STK33: variants seen among roughly 807,000 people sequenced by gnomAD.
STK33 encodes the protein serine/threonine kinase 33.
STK33 carries 52 observed loss-of-function variants against 58.0 expected under a neutral mutation model. That is an observed-to-expected ratio of 0.90 (90% CI 0.72 to 1.13). The LOEUF is 1.13. STK33 is among the 50% of genes most tolerant of loss of function. STK33 has a pLI of 0.00. For missense variants in STK33, 630 were observed against 604.2 expected, an observed-to-expected ratio of 1.04 and a Z score of -0.45; for synonymous variants, 215 against 200.1, an observed-to-expected ratio of 1.07 and a Z score of -0.63.
intron 1 of STK33, among the ~76,000 whole-genome samples, chr11:8,585,185 A>G (rs1044513919): frequency 2.7e-5 from 4 of 147,732 alleles, no homozygotes; most frequent in African/African-American, 7.5e-5. Context: ...GGCCTTCCAA[A>G]ATGCTGGGAT....
the STK33 span, among the ~76,000 whole-genome samples, chr11:8,361,723 A>T: frequency 8.6e-3 from 1,312 of 152,290 alleles, 18 homozygotes; most frequent in South Asian, 0.048. This position sits in a 1 kb window ranked among gnomAD's most constrained non-coding sequence, Gnocchi z 4.8. Flanking sequence ...TCTTATCTGT[A>T]CGTGGAGCTG....
chr11:8,588,541 A>G (rs4244802), intron 1 of STK33, among the ~76,000 whole-genome samples: 151,235 of 152,328 alleles, frequency 0.99, 75,084 homozygotes, highest in Middle Eastern at 1. Flanking sequence ...AATGGATCCA[A>G]AATCTAAATA....
Position 8,495,584 on chromosome 11 carries a change from G to A in STK33, c.-465-14970C>T, listed in dbSNP as rs149487438. Among the ~76,000 whole-genome samples, 1,197 of 152,148 alleles carry A rather than the reference G, an allele frequency of 7.9e-3. 12 individuals are homozygous for A. The highest frequency in any genetic ancestry group is 0.01 in the Middle Eastern group (3 of 294). On this transcript the variant is annotated intron_variant, in intron 1 of 15. Coordinates refer to ENST00000687296, the MANE Select transcript of STK33 (RefSeq NM_001352389.2). ...AACTAGAAATAACATTTGACCCAGC[G>A]ATCCCATTACTGGGTATATACCCAA...
Position 8,421,210 on chromosome 11 carries a change from C to T in STK33, c.1147-7518G>A, listed in dbSNP as rs538840145. Among the ~76,000 whole-genome samples the T allele has an allele frequency of 4.6e-5, 7 of 152,190 alleles. No individual in the cohort carries two copies. The South Asian group carries it at 1.2e-3, about 27-fold the overall frequency. Reference sequence around the variant, plus strand: ...GTTATGTTGCTTATGAAATCCTTTCCTACACACCCCAAGATGCAGAATATA... The same window carrying T: ...GTTATGTTGCTTATGAAATCCTTTCTTACACACCCCAAGATGCAGAATATA... On this transcript the variant is annotated intron_variant, in intron 14 of 15. Transcript: ENST00000687296.
the STK33 span, among the ~76,000 whole-genome samples, chr11:8,346,636 C>T: frequency 6.6e-5 from 10 of 152,326 alleles, no homozygotes; most frequent in East Asian, 1.9e-4. Flanking sequence ...GTCATTCTGG[C>T]GACAGCCTCA....
chr11:8,386,837 A>G, the STK33 span, among the ~76,000 whole-genome samples: 1 of 152,152 alleles, frequency 6.6e-6, no homozygotes, highest in South Asian at 2.1e-4. Context: ...ACACCACCTG[A>G]TGAAGGGATG....
Position 8,392,543 on chromosome 11 carries a change from G to GAACCA in STK33, c.1511_1512insTGGTT (p.Ala506SerfsTer34), listed in dbSNP as rs201927394. The stretch of plus-strand genomic sequence containing the variant: ...TCTTTTTGGTTCTGGACAGGGCGCC[G>GAACCA]GATTTAGCAGGGTACTTGGTTGCTG... On this transcript the variant is annotated frameshift_variant, in exon 16 of 16. Coordinates refer to ENST00000687296, the MANE Select transcript of STK33 (RefSeq NM_001352389.2). LOFTEE classifies it high-confidence loss of function. The GAACCA allele has an allele frequency of 0.016, 26,526 of 1,614,152 alleles. 338 individuals carry two copies. The highest frequency in any genetic ancestry group is 0.06 in the Middle Eastern group (361 of 6,062).
At chr11:8,575,478 A>G (rs1231534385) in intron 1 of STK33, among the ~76,000 whole-genome samples, 1 of 152,232 alleles carries the variant, frequency 6.6e-6, no homozygotes, top group Non-Finnish European at 1.5e-5. Flanking sequence ...ACTATGCTCA[A>G]TGAAATAAGT....
chr11:8,537,225 C>T (rs557786019), intron 1 of STK33, among the ~76,000 whole-genome samples: 17 of 151,786 alleles, frequency 1.1e-4, no homozygotes, highest in South Asian at 2.1e-4. Context: ...GGTGATCCGC[C>T]GACCTCAGCC....
intron 1 of STK33, among the ~76,000 whole-genome samples, chr11:8,566,772 T>C (rs1270292231): frequency 6.6e-6 from 1 of 152,250 alleles, no homozygotes; most frequent in Non-Finnish European, 1.5e-5. Flanking sequence ...ATATTTATAT[T>C]GCCAAGTGAT....
intron 9 of STK33, among the ~76,000 whole-genome samples, chr11:8,455,372 C>T (rs1332369930): frequency 6.6e-6 from 1 of 152,126 alleles, no homozygotes; most frequent in Non-Finnish European, 1.5e-5. Context: ...CAAACAAAAA[C>T]CCTTGAGACA....
chr11:8,470,976 T>C (rs114662414), intron 6 of STK33, among the ~76,000 whole-genome samples: 348 of 152,276 alleles, frequency 2.3e-3, no homozygotes, highest in African/African-American at 7.8e-3. Flanking sequence ...GTTGGAAAAA[T>C]GGCACCAACA....
the STK33 span, among the ~76,000 whole-genome samples, chr11:8,376,685 G>T: frequency 1.3e-5 from 2 of 152,064 alleles, no homozygotes; most frequent in Non-Finnish European, 2.9e-5. Flanking sequence ...GGGACTACAG[G>T]CACCAGCCAC....
chr11:8,497,104 G>C (rs1330126465), intron 1 of STK33, among the ~76,000 whole-genome samples: 3 of 152,058 alleles, frequency 2.0e-5, no homozygotes, highest in Non-Finnish European at 4.4e-5. Context: ...TAGATTCAGA[G>C]ACACCTGTGG....
At chr11:8,367,482 T>G in the STK33 span, among the ~76,000 whole-genome samples, 1 of 152,338 alleles carries the variant, frequency 6.6e-6, no homozygotes, top group Admixed American at 6.5e-5. Context: ...AGCCCAGGAC[T>G]CTAAGGGTAG....
chr11:8,357,206 G>A, the STK33 span, among the ~76,000 whole-genome samples: 3 of 152,194 alleles, frequency 2.0e-5, no homozygotes, highest in Non-Finnish European at 4.4e-5. Context: ...TCGTCCTCTT[G>A]CCCTCAATGC....
At chr11:8,488,484 G>T (rs1950343200) in intron 1 of STK33, among the ~76,000 whole-genome samples, 1 of 151,960 alleles carries the variant, frequency 6.6e-6, no homozygotes, top group African/African-American at 2.4e-5. Context: ...GAAGGCTAAG[G>T]TAAGTTGTCA....
At chr11:8,427,813 T>C (rs1475180024) in intron 14 of STK33, among the ~76,000 whole-genome samples, 1 of 152,236 alleles carries the variant, frequency 6.6e-6, no homozygotes, top group Non-Finnish European at 1.5e-5. Flanking sequence ...TCTTGCTTCA[T>C]ATTATCAACA....
chr11:8,406,135 T>A lies in STK33; in HGVS notation c.1344+7360A>T, dbSNP rs1939138784. Among the ~76,000 whole-genome samples, 4 of 104,510 alleles carry A rather than the reference T, an allele frequency of 3.8e-5. No homozygotes were observed. In the South Asian group the frequency reaches 1.5e-3, roughly 40 times the overall value. The allele number at this position is 104,510 out of a possible 152,430, so 68.6% of individuals were successfully genotyped here. On this transcript the variant is annotated intron_variant, in intron 15 of 15. Coordinates refer to ENST00000687296, the MANE Select transcript of STK33 (RefSeq NM_001352389.2). The stretch of plus-strand genomic sequence containing the variant: ...TCCAGGCTGGGTGACAGAGCGAGAC[T>A]CCGTCTCAAAAAAAAAAAAAAAAAA...
Sources: allele counts gnomAD v4.1 joint callset (sites outside exome capture counted in the v4.1 genomes callset), GRCh38; gene constraint gnomAD v4.1.1; non-coding constraint Gnocchi (gnomAD v3.1); transcripts MANE v1.5; gene names NCBI Gene and HGNC (gene_info 2026-07-23, HGNC 2026-07-21).